ILKAP: variants seen among roughly 807,000 people sequenced by gnomAD.
ILKAP encodes integrin-linked kinase-associated serine/threonine phosphatase 2C.
Under a neutral mutation model 49.1 loss-of-function variants are expected in ILKAP, and 11 were observed. The ratio of observed to expected loss-of-function variants is 0.22; its 90% confidence interval spans 0.14 to 0.37. ILKAP has a LOEUF of 0.37. Among genes scored for constraint, ILKAP ranks in the 10% least tolerant of loss-of-function variants. The pLI is 1.00. For missense variants in ILKAP, 363 were observed against 510.8 expected, an observed-to-expected ratio of 0.71 and a Z score of 2.79; for synonymous variants, 186 against 192.8, an observed-to-expected ratio of 0.96 and a Z score of 0.29.
At chr2:238,199,850 A>T (rs1450380937) in intron 1 of ILKAP, among the ~76,000 whole-genome samples, 1 of 151,992 alleles carries the variant, frequency 6.6e-6, no homozygotes, top group Non-Finnish European at 1.5e-5. Flanking sequence ...CCTGGCCTCA[A>T]GCCATCCTCC....
At chr2:238,195,908 T>C (rs1309259350) in intron 1 of ILKAP, among the ~76,000 whole-genome samples, 1 of 151,742 alleles carries the variant, frequency 6.6e-6, no homozygotes, top group East Asian at 2.0e-4. Flanking sequence ...CCAGGTGTGG[T>C]GGCAGGCGCC....
In ILKAP at chr2:238,182,072, T is replaced by C; in HGVS notation, c.829A>G (p.Asn277Asp). 6.2e-7 allele frequency: 1 copy of C among 1,613,460 alleles called. No individual in the cohort carries two copies. The highest frequency in any genetic ancestry group is 8.5e-7 in the Non-Finnish European group (1 of 1,179,504). ...ERMRIQKAGGNVRDGRVLGVL... is the reference protein window; with the variant it reads ...ERMRIQKAGGDVRDGRVLGVL... Reference sequence around the variant, plus strand: ...TCTCAGTCCCTTGGTTACCTGACGTTTCCTCCAGCCTTCTGTATCCTCATC... The same window carrying C: ...TCTCAGTCCCTTGGTTACCTGACGTCTCCTCCAGCCTTCTGTATCCTCATC... The change falls in exon 9 of 12, where the codon AAC becomes GAC. Residue 277 changes from asparagine to aspartate, a missense_variant. Around this residue, in one of 3 missense-constraint regions of ILKAP, gnomAD observed 166 missense variants for 307.3 expected, o/e 0.54. Coordinates refer to ENST00000254654, the MANE Select transcript of ILKAP (RefSeq NM_030768.3).
intron 3 of ILKAP, among the ~76,000 whole-genome samples, chr2:238,193,993 A>T (rs1202210484): frequency 1.3e-5 from 2 of 152,228 alleles, no homozygotes; most frequent in African/African-American, 4.8e-5. Context: ...CTGAATTTTT[A>T]AAAAATGTTA....
At chr2:238,195,102 A>C (rs1468766235) in intron 1 of ILKAP, among the ~76,000 whole-genome samples, 1 of 152,258 alleles carries the variant, frequency 6.6e-6, no homozygotes, top group Non-Finnish European at 1.5e-5. Flanking sequence ...ATGCCCTAAC[A>C]GGCATCTTCA....
chr2:238,176,495 A>T (rs933364678), intron 9 of ILKAP, among the ~76,000 whole-genome samples: 1 of 152,174 alleles, frequency 6.6e-6, no homozygotes, highest in Non-Finnish European at 1.5e-5. Flanking sequence ...ACCAGCCCTC[A>T]TTAGGACTGG....
At chr2:238,178,396 C>T (rs144241057) in intron 9 of ILKAP, among the ~76,000 whole-genome samples, 287 of 152,222 alleles carry the variant, frequency 1.9e-3, no homozygotes, top group Middle Eastern at 3.4e-3. Context: ...ACTGCGTTGC[C>T]CAGGCTTCTC....
At position 238,185,121 on chromosome 2, in the gene ILKAP, A is replaced by T. The variant is rs1681197821; in HGVS notation, c.532+60T>A. On this transcript the variant is annotated intron_variant, in intron 6 of 11. Transcript: ENST00000254654. Reference sequence around the variant, plus strand: ...AAAATAACACATCTGACTGCTTCACACAGCCAACCAAACAGCAATAACCAA... The same window carrying T: ...AAAATAACACATCTGACTGCTTCACTCAGCCAACCAAACAGCAATAACCAA... 3.8e-6 allele frequency: 4 copies of T among 1,057,636 alleles called. No homozygotes were observed. The African/African-American group carries it at 6.3e-5, about 17-fold the overall frequency. The allele number at this position is 1,057,636 out of a possible 1,614,324, so 65.5% of individuals were successfully genotyped here.
chr2:238,173,770 C>T, intron 9 of ILKAP, 117 bp from the exon 10 acceptor site: 1 of 1,192,702 alleles, frequency 8.4e-7, no homozygotes, highest in South Asian at 1.5e-5. Context: ...CTGTGGAATT[C>T]ACATTATTAA....
At chr2:238,202,900 A>C (rs930460433) in intron 1 of ILKAP, among the ~76,000 whole-genome samples, 8 of 151,920 alleles carry the variant, frequency 5.3e-5, no homozygotes, top group South Asian at 2.1e-4. Context: ...AAAAAAAAAA[A>C]AAACTACTGT....
chr2:238,192,552 T>C (rs1044652628), intron 3 of ILKAP, among the ~76,000 whole-genome samples: 2 of 151,500 alleles, frequency 1.3e-5, no homozygotes, highest in African/African-American at 2.4e-5. Context: ...ACAAAAAAAT[T>C]AGGTGGGCGT....
intron 9 of ILKAP, among the ~76,000 whole-genome samples, chr2:238,176,382 T>C (rs910778620): frequency 6.6e-6 from 1 of 152,104 alleles, no homozygotes; most frequent in African/African-American, 2.4e-5. Context: ...CCACCCGCCT[T>C]GGCCCCCCAA....
intron 1 of ILKAP, among the ~76,000 whole-genome samples, chr2:238,199,047 A>G (rs957569165): frequency 2.0e-5 from 3 of 152,156 alleles, no homozygotes; most frequent in Non-Finnish European, 2.9e-5. Context: ...GGACTCATGC[A>G]TTTTAATTTG....
chr2:238,200,363 TA>T (rs1326531515), intron 1 of ILKAP, among the ~76,000 whole-genome samples: 3 of 152,204 alleles, frequency 2.0e-5, no homozygotes, highest in Non-Finnish European at 4.4e-5. Context: ...TTAAGAGGTT[TA>T]GGGGTGGGAA....
intron 1 of ILKAP, among the ~76,000 whole-genome samples, chr2:238,199,798 AGACAGGG>A (rs1170806187): frequency 1.3e-5 from 2 of 151,548 alleles, no homozygotes; most frequent in Admixed American, 1.3e-4. Context: ...TTAATCGTAG[AGACAGGG>A]GTCTCACGAA....
intron 9 of ILKAP, among the ~76,000 whole-genome samples, chr2:238,180,960 A>G (rs1367025089): frequency 2.0e-5 from 3 of 152,242 alleles, no homozygotes; most frequent in Admixed American, 1.3e-4. Flanking sequence ...CCAGGACAGT[A>G]GTTACGGTGG....
chr2:238,186,759 C>G (rs1188552438), intron 5 of ILKAP: 1 of 150,612 alleles, frequency 6.6e-6, no homozygotes, highest in Non-Finnish European at 1.5e-5. Flanking sequence ...TTCTAGAGAG[C>G]TGCTTTTCTT....
At chr2:238,197,638 C>T (rs78903918) in intron 1 of ILKAP, among the ~76,000 whole-genome samples, 2,451 of 152,212 alleles carry the variant, frequency 0.016, 114 homozygotes, top group East Asian at 0.14. Flanking sequence ...CTAGCCTGGC[C>T]GCCTCTCCTC....
Position 238,203,576 on chromosome 2 carries a change from C to T in ILKAP, c.-23G>A. On this transcript the variant is annotated 5_prime_UTR_variant, in exon 1 of 12. Transcript: ENST00000254654. ...CATGGCGGAGGCTGGGTGGAGGCGG[C>T]AGCAGCGACAGACACTCAGCCCGCG... 1.7e-6 allele frequency: 2 copies of T among 1,147,120 alleles called. No individual in the cohort carries two copies. The highest frequency in any genetic ancestry group is 2.1e-6 in the Non-Finnish European group (2 of 931,040). 71.1% of individuals were successfully genotyped at this position (1,147,120 alleles called of 1,614,324 possible).
intron 1 of ILKAP, among the ~76,000 whole-genome samples, chr2:238,196,086 C>CTTT (rs34504570): frequency 1.5e-3 from 113 of 77,468 alleles, no homozygotes; most frequent in East Asian, 2.4e-3. Context: ...AACCAATTCA[C>CTTT]TTTTTTTTTT....
Sources: allele counts gnomAD v4.1 joint callset (sites outside exome capture counted in the v4.1 genomes callset), GRCh38; gene constraint gnomAD v4.1.1; regional missense constraint gnomAD v4.1.1; transcripts MANE v1.5; gene names NCBI Gene and HGNC (gene_info 2026-07-23, HGNC 2026-07-21).